Variants in CDR2 observed in about 807,000 individuals in gnomAD.
The protein encoded by CDR2 is cerebellar degeneration related protein 2.
A neutral mutation model predicts 48.4 loss-of-function variants in CDR2; 34 were observed. The observed-to-expected ratio is 0.70, with a 90% CI of 0.53 to 0.94. CDR2 has a LOEUF of 0.94. CDR2 is among the 40% of genes least tolerant of loss of function. The pLI is 0.00. For missense variants in CDR2, 498 were observed against 549.5 expected (o/e 0.91, Z 0.94); for synonymous variants, 240 against 219.7 (o/e 1.09, Z -0.82).
At chr16:22,371,299 G>A (rs1400499371) in intron 1 of CDR2, among the ~76,000 whole-genome samples, 1 of 152,156 alleles carries the variant, frequency 6.6e-6, no homozygotes, top group Non-Finnish European at 1.5e-5. Flanking sequence ...ACAGATGCCT[G>A]CACATAAAAT....
At chr16:22,364,823 C>CT (rs1392380263) in intron 2 of CDR2, 79 bp downstream of exon 2, 10 of 792,078 alleles carry the variant, frequency 1.3e-5, no homozygotes, top group Admixed American at 2.3e-5. Flanking sequence ...ATTGCAAGTG[C>CT]TTTTTTACCA....
At position 22,347,315 on chromosome 16, in the gene CDR2, T is replaced by C. The variant is rs148963997; in HGVS notation, c.1015A>G (p.Lys339Glu). The change falls in exon 5 of 5, where the codon AAA (lysine) becomes GAA (glutamate). Residue 339 changes from lysine to glutamate, a missense_variant. Coordinates refer to ENST00000268383, the MANE Select transcript of CDR2 (RefSeq NM_001802.2). ...ETCIRRAKAV[K>E]QRGISLLHEV... Reference sequence around the variant, plus strand: ...TGCAGAAGGGAGATGCCCCTCTGTTTCACAGCCTTGGCCCTCCTGATGCAG... The same window carrying C: ...TGCAGAAGGGAGATGCCCCTCTGTTCCACAGCCTTGGCCCTCCTGATGCAG... The C allele has an allele frequency of 1.5e-4, 238 of 1,614,240 alleles. No individual in the cohort carries two copies. The highest frequency in any genetic ancestry group is 5.8e-5 in the Non-Finnish European group (68 of 1,180,038).
Position 22,364,963 on chromosome 16 carries a change from T to A in CDR2, c.131A>T (p.Glu44Val). 1 of 1,613,910 alleles carries A rather than the reference T, an allele frequency of 6.2e-7. No homozygotes were observed. The highest frequency in any genetic ancestry group is 8.5e-7 in the Non-Finnish European group (1 of 1,179,764). Residue 44 changes from glutamate to valine, a missense_variant, in exon 2 of 5, where the codon GAG (glutamate) becomes GTG (valine). Transcript: ENST00000268383. ...CATCTGCTGAACAGAGTCCTCCAAC[T>A]CTGTGTTCCGATCCAGTAATGTCTT... is the stretch of plus-strand genomic sequence containing the variant. Reference protein sequence around the residue: ...LGKTLLDRNTELEDSVQQMYT... With the variant: ...LGKTLLDRNTVLEDSVQQMYT...
rs1378363932 is a variant in CDR2 at position 22,347,218 on chromosome 16, TG to T, written c.1111del (p.Gln371ArgfsTer19). ...CACAGCCTTGTGTGACAGGGAGTCC[TG>T]TTCCTCTTGGCACTTCTTCAGCAAC... ...EELLKKCQEE[Q>X]DSLSHKAVQT... On this transcript the variant is annotated frameshift_variant, in exon 5 of 5. Coordinates refer to ENST00000268383, the MANE Select transcript of CDR2 (RefSeq NM_001802.2). LOFTEE classifies it high-confidence loss of function. 3 of 1,614,222 alleles carry T rather than the reference TG, an allele frequency of 1.9e-6. No homozygotes were observed. Among genetic ancestry groups the T allele is most frequent in the Admixed American group, 3.3e-5 (2 of 60,020 alleles).
chr16:22,347,504 G>C lies in CDR2; in HGVS notation c.826C>G (p.Pro276Ala). The C allele has an allele frequency of 1.2e-6, 2 of 1,614,018 alleles. No homozygotes were observed. The highest frequency in any genetic ancestry group is 1.7e-5 in the Admixed American group (1 of 60,020). The change falls in exon 5 of 5, where the codon CCA (proline) becomes GCA (alanine). Residue 276 changes from proline to alanine, a missense_variant. Pro to Ala is a conservative substitution (Grantham distance 27). Coordinates refer to ENST00000268383, the MANE Select transcript of CDR2 (RefSeq NM_001802.2). ...PFVNGVEKLV[P>A]DSLYVPFKEP... ...TTGAAAGGAACATACAGAGAGTCTGGCACCAGCTTCTCAACTCCATTCACA... is the reference window on the plus strand; with the variant it reads ...TTGAAAGGAACATACAGAGAGTCTGCCACCAGCTTCTCAACTCCATTCACA...
Position 22,347,838 on chromosome 16 carries a change from A to G in CDR2, c.507-15T>C, listed in dbSNP as rs2048917784. ...ACACGAAGTGTCTAGGGAAAAAAAT[A>G]TTGAAAGAATATATTACACAGGTCC... On this transcript the variant is annotated splice_polypyrimidine_tract_variant and intron_variant, in intron 4 of 4. Transcript: ENST00000268383. 5 of 1,593,908 alleles carry G rather than the reference A, an allele frequency of 3.1e-6. No individual in the cohort carries two copies. The East Asian group carries it at 1.1e-4, about 36-fold the overall frequency.
rs746262316 is a variant in CDR2 at position 22,347,787 on chromosome 16, G to A, written c.543C>T (p.Ile181=). Residue 181 remains isoleucine (I), a synonymous_variant, in exon 5 of 5, where the codon ATC becomes ATT. Transcript: ENST00000268383. ...GGCTTGGCTGACCTTGCAAGGAAGT[G>A]ATCTTCTCAGCGAACACATGATCAT... is the stretch of plus-strand genomic sequence containing the variant. ...FVYDHVFAEK[I]TSLQGQPSPD... 4 of 1,613,722 alleles carry A rather than the reference G, an allele frequency of 2.5e-6. No individual in the cohort carries two copies. The highest frequency in any genetic ancestry group is 1.7e-6 in the Non-Finnish European group (2 of 1,179,980).
At chr16:22,372,637 G>C (rs573514865) in intron 1 of CDR2, among the ~76,000 whole-genome samples, 2 of 152,122 alleles carry the variant, frequency 1.3e-5, no homozygotes, top group African/African-American at 4.8e-5. Flanking sequence ...CAATCCTTAC[G>C]GGGAAATCTG....
rs561299167 is a variant in CDR2 at position 22,358,616 on chromosome 16, T to G, written c.192+6286A>C. Among the ~76,000 whole-genome samples the G allele has an allele frequency of 5.3e-5, 8 of 152,300 alleles. No homozygotes were observed. The South Asian group carries it at 1.2e-3, about 24-fold the overall frequency. On this transcript the variant is annotated intron_variant, in intron 2 of 4. Coordinates refer to ENST00000268383, the MANE Select transcript of CDR2 (RefSeq NM_001802.2). ...ATAGAAATGGAGTGGAAATCTGGCTTGTAAGCAGTGTTGGGATTATCCTGA... is the reference window on the plus strand; with the variant it reads ...ATAGAAATGGAGTGGAAATCTGGCTGGTAAGCAGTGTTGGGATTATCCTGA...
chr16:22,350,590 TACC>T (rs2048935662), intron 2 of CDR2, among the ~76,000 whole-genome samples: 1 of 152,180 alleles, frequency 6.6e-6, no homozygotes, highest in African/African-American at 2.4e-5. Flanking sequence ...ATTTTTATTA[TACC>T]ACAATACCAT....
At chr16:22,347,945 TTC>T (rs2048918768) in intron 4 of CDR2, 122 bp from the exon 5 acceptor site, 3 of 991,694 alleles carry the variant, frequency 3.0e-6, no homozygotes, top group Non-Finnish European at 4.3e-6. Flanking sequence ...TAATTTTTTT[TTC>T]TTTTTTTTTG....
chr16:22,359,652 G>A (rs1321987074), intron 2 of CDR2, among the ~76,000 whole-genome samples: 1 of 152,112 alleles, frequency 6.6e-6, no homozygotes, highest in Non-Finnish European at 1.5e-5. Context: ...AATCTGAGGG[G>A]TAATTCATAT....
intron 2 of CDR2, among the ~76,000 whole-genome samples, chr16:22,353,039 C>T (rs2048952774): frequency 6.6e-6 from 1 of 152,136 alleles, no homozygotes; most frequent in African/African-American, 2.4e-5. Context: ...CTTAGAATCA[C>T]AAGAATATAT....
rs772762167 is a variant in CDR2, at chr16:22,346,969, G to A, written c.1361C>T (p.Ser454Phe). The part of the protein sequence containing the change: ...RTKYRSLSSH[S>F] ...GTAGTAGAGCTAGAGGTTCAATTAA[G>A]AATGAGAGGAGAGTGATCGGTATTT... Residue 454 changes from serine to phenylalanine, a missense_variant, in exon 5 of 5, where the codon TCT becomes TTT. Physicochemically the swap from Ser to Phe is radical, Grantham distance 155 (BLOSUM62 -2). Transcript: ENST00000268383. 6.2e-7 allele frequency: 1 copy of A among 1,606,898 alleles called. No individual in the cohort carries two copies. The highest frequency in any genetic ancestry group is 2.2e-5 in the East Asian group (1 of 44,658).
chr16:22,361,618 C>T (rs1338079460), intron 2 of CDR2, among the ~76,000 whole-genome samples: 2 of 152,206 alleles, frequency 1.3e-5, no homozygotes, highest in East Asian at 1.9e-4. Flanking sequence ...CCATTACTGC[C>T]ATCTCATCTC....
chr16:22,367,897 A>T (rs763433819), intron 1 of CDR2, among the ~76,000 whole-genome samples: 12 of 152,200 alleles, frequency 7.9e-5, no homozygotes, highest in Non-Finnish European at 1.5e-4. Context: ...TGATTTCAAA[A>T]CTAACAATGT....
intron 4 of CDR2, 124 bp from the exon 5 acceptor site, chr16:22,347,947 C>CTT: frequency 1.1e-6 from 1 of 941,064 alleles, no homozygotes; most frequent in Non-Finnish European, 1.5e-6. Context: ...ATTTTTTTTT[C>CTT]TTTTTTTTTG....
At chr16:22,363,619 C>A (rs1181485153) in intron 2 of CDR2, among the ~76,000 whole-genome samples, 1 of 152,108 alleles carries the variant, frequency 6.6e-6, no homozygotes, top group Non-Finnish European at 1.5e-5. Context: ...TGATGAACTG[C>A]TTCACTGTTC....
chr16:22,373,424 T>C (rs938623429), intron 1 of CDR2, among the ~76,000 whole-genome samples: 2 of 152,098 alleles, frequency 1.3e-5, no homozygotes, highest in African/African-American at 4.8e-5. Flanking sequence ...TAAACTAGGA[T>C]GGTAAGGAAG....
Sources: allele counts gnomAD v4.1 joint callset (sites outside exome capture counted in the v4.1 genomes callset), GRCh38; gene constraint gnomAD v4.1.1; transcripts MANE v1.5; gene names NCBI Gene and HGNC (gene_info 2026-07-23, HGNC 2026-07-21).